The following GRAMD1C variants were observed in gnomAD, a reference collection of about 807,000 sequenced individuals.
GRAMD1C encodes the protein GRAM domain containing 1C.
Under a neutral mutation model 97.8 loss-of-function variants are expected in GRAMD1C, and 89 were observed. The observed-to-expected ratio is 0.91, with a 90% confidence interval of 0.77 to 1.09. GRAMD1C has a LOEUF of 1.09. Ranked by LOEUF, GRAMD1C falls within the 50% of genes least tolerant of loss-of-function variation. The pLI is 0.00. For missense variants in GRAMD1C, 740 were observed against 766.4 expected (o/e 0.97, Z 0.41); for synonymous variants, 256 against 267.0 (o/e 0.96, Z 0.40).
At chr3:113,895,609 A>G (rs1292835995) in intron 6 of GRAMD1C, among the ~76,000 whole-genome samples, 1 of 152,236 alleles carries the variant, frequency 6.6e-6, no homozygotes, top group African/African-American at 2.4e-5. Flanking sequence ...TACCTGGAAA[A>G]AAAATGAATA....
intron 2 of GRAMD1C, among the ~76,000 whole-genome samples, chr3:113,846,495 G>C (rs1933619382): frequency 6.6e-6 from 1 of 152,022 alleles, no homozygotes; most frequent in Non-Finnish European, 1.5e-5. Flanking sequence ...TAGTTACTGT[G>C]GTTACTATTG....
Position 113,911,627 on chromosome 3 carries a change from C to G in GRAMD1C, c.952+2507C>G, listed in dbSNP as rs144590513. Among the ~76,000 whole-genome samples, 660 of 143,946 alleles carry G rather than the reference C, an allele frequency of 4.6e-3. 7 individuals carry two copies. Among genetic ancestry groups the G allele is most frequent in the African/African-American group, 0.016 (625 of 39,254 alleles). 94.4% of individuals were successfully genotyped at this position (143,946 alleles called of 152,430 possible). Reference sequence around the variant, plus strand: ...TCTCCCTCCCTCCTTCCCTTCCCTTCTTCCTTTCTTTCCTTCTTTCTTTTT... The same window carrying G: ...TCTCCCTCCCTCCTTCCCTTCCCTTGTTCCTTTCTTTCCTTCTTTCTTTTT... On this transcript the variant is annotated intron_variant, in intron 9 of 17. Coordinates refer to ENST00000358160, the MANE Select transcript of GRAMD1C (RefSeq NM_017577.5).
chr3:113,884,571 AC>A (rs2107405156), intron 6 of GRAMD1C, among the ~76,000 whole-genome samples: 1 of 152,218 alleles, frequency 6.6e-6, no homozygotes, highest in Admixed American at 6.5e-5. Flanking sequence ...GGTGGCTCAC[AC>A]CTGTAATCCC....
Position 113,889,198 on chromosome 3 carries a change from C to CT in GRAMD1C, c.540+6367dup, listed in dbSNP as rs933419060. ...CTGGGCAGTAAGAGCAAAACTCCTTCTAAAAAAAAACGTATATCCACACAG... is the reference window on the plus strand; with the variant it reads ...CTGGGCAGTAAGAGCAAAACTCCTTCTTAAAAAAAAACGTATATCCACACAG... On this transcript the variant is annotated intron_variant, in intron 6 of 17. Transcript: ENST00000358160. Among the ~76,000 whole-genome samples the CT allele has an allele frequency of 2.3e-4, 13 of 57,234 alleles. No individual in the cohort carries two copies. The South Asian group carries it at 7.7e-3, about 34-fold the overall frequency. 37.5% of individuals were successfully genotyped at this position (57,234 alleles called of 152,430 possible). A position where few individuals can be genotyped will look rare whatever the true frequency, so the allele number is the denominator to read the frequency against.
At chr3:113,929,273 A>G (rs1195846035) in intron 10 of GRAMD1C, among the ~76,000 whole-genome samples, 2 of 152,168 alleles carry the variant, frequency 1.3e-5, no homozygotes, top group Non-Finnish European at 2.9e-5. Flanking sequence ...CGTACTAGCC[A>G]TTTTTCCTAC....
chr3:113,877,913 G>A (rs1293654220), intron 5 of GRAMD1C, among the ~76,000 whole-genome samples: 2 of 152,082 alleles, frequency 1.3e-5, no homozygotes, highest in Non-Finnish European at 2.9e-5. Flanking sequence ...AAGTAGCTGG[G>A]ATTACAGGCA....
At chr3:113,943,391 ACTAT>A (rs1236849159) in intron 17 of GRAMD1C, among the ~76,000 whole-genome samples, 2 of 152,172 alleles carry the variant, frequency 1.3e-5, no homozygotes, top group Admixed American at 6.5e-5. Context: ...AACCATCATC[ACTAT>A]CTAATTCCAG....
At chr3:113,873,296 CAAA>C (rs1419920610) in intron 3 of GRAMD1C, among the ~76,000 whole-genome samples, 1 of 151,870 alleles carries the variant, frequency 6.6e-6, no homozygotes, top group Non-Finnish European at 1.5e-5. Context: ...AAAAAACACT[CAAA>C]AAAGTCTGCT....
At position 113,944,295 on chromosome 3, in the gene GRAMD1C, G is replaced by A. The variant is rs187693303; in HGVS notation, c.1909-1103G>A. Among the ~76,000 whole-genome samples the A allele has an allele frequency of 7.1e-4, 108 of 152,288 alleles. 2 individuals are homozygous for A. In the South Asian group the frequency reaches 0.014, roughly 20 times the overall value. ...TTATAAGAGCACTAATCCATTCATAGGAGCCGTCATGACCTAATCACCTCC... is the reference window on the plus strand; with the variant it reads ...TTATAAGAGCACTAATCCATTCATAAGAGCCGTCATGACCTAATCACCTCC... On this transcript the variant is annotated intron_variant, in intron 17 of 17. Coordinates refer to ENST00000358160, the MANE Select transcript of GRAMD1C (RefSeq NM_017577.5).
intron 1 of GRAMD1C, 94 bp from the exon 2 acceptor site, chr3:113,844,409 A>T (rs990045004): frequency 3.2e-5 from 26 of 806,210 alleles, no homozygotes; most frequent in Non-Finnish European, 6.1e-6. Context: ...TTGCCCTTTT[A>T]AAATTAATGT....
intron 2 of GRAMD1C, among the ~76,000 whole-genome samples, chr3:113,846,533 T>A (rs753565150): frequency 6.6e-6 from 1 of 152,020 alleles, no homozygotes; most frequent in Non-Finnish European, 1.5e-5. Context: ...AAAATGGTAA[T>A]GCAAGAAAAG....
At chr3:113,919,338 C>A in intron 10 of GRAMD1C, 1 of 491,678 alleles carries the variant, frequency 2.0e-6, no homozygotes, top group South Asian at 1.5e-5. Context: ...AGAAAAACAC[C>A]ATCTCTTTAT....
chr3:113,929,080 T>G (rs1314071777), intron 10 of GRAMD1C, among the ~76,000 whole-genome samples: 3 of 152,204 alleles, frequency 2.0e-5, no homozygotes, highest in Non-Finnish European at 4.4e-5. Flanking sequence ...ATTTTACATT[T>G]CCACAAGCAA....
Position 113,850,352 on chromosome 3 carries a change from C to T in GRAMD1C, c.174+5703C>T, listed in dbSNP as rs1055504958. On this transcript the variant is annotated intron_variant, in intron 2 of 17. Transcript: ENST00000358160. ...GGCACCAGGGGGCACAAAACTCCGTCTGTAGGTATCTCTGTCGGCTTCCCC... is the reference window on the plus strand; with the variant it reads ...GGCACCAGGGGGCACAAAACTCCGTTTGTAGGTATCTCTGTCGGCTTCCCC... 40 of 763,358 alleles carry T rather than the reference C, an allele frequency of 5.2e-5. No homozygotes were observed. In the South Asian group the frequency reaches 5.4e-4, roughly 10 times the overall value. 47.3% of individuals were successfully genotyped at this position (763,358 alleles called of 1,614,324 possible).
chr3:113,905,698 C>CTT (rs569942384), intron 8 of GRAMD1C, among the ~76,000 whole-genome samples: 1 of 144,920 alleles, frequency 6.9e-6, no homozygotes, highest in Admixed American at 6.9e-5. Flanking sequence ...GGTCTCATAA[C>CTT]TTTTTTTTTT....
intron 2 of GRAMD1C, among the ~76,000 whole-genome samples, chr3:113,860,881 G>A (rs1166918613): frequency 2.6e-5 from 4 of 151,470 alleles, no homozygotes; most frequent in Admixed American, 6.6e-5. Flanking sequence ...CAGGAGAATC[G>A]CTTGAACCCG....
chr3:113,904,173 G>A lies in GRAMD1C; in HGVS notation c.690G>A (p.Gly230=), dbSNP rs57338076. Residue 230 remains glycine, a synonymous_variant, in exon 8 of 18, where the codon GGG becomes GGA. Transcript: ENST00000358160. ...GAAGAAGCAGCTTGGATGACTCTGG[G>A]GAGAGAGATGAAAAATTATCCAAGT... ...SPGRSSLDDS[G]ERDEKLSKSI... The A allele has an allele frequency of 4.5e-3, 7,214 of 1,608,572 alleles. 309 individuals are homozygous for A. The African/African-American group carries it at 0.085, about 19-fold the overall frequency.
Position 113,886,705 on chromosome 3 carries a change from AAATG to A in GRAMD1C, c.540+3880_540+3883del, listed in dbSNP as rs756965724. On this transcript the variant is annotated intron_variant, in intron 6 of 17. Transcript: ENST00000358160. Reference sequence around the variant, plus strand: ...AAGGAAATAATAAAGATTATAACAGAAATGAATGAAGTAAAGAATAGAAAAATAG... The same window carrying A: ...AAGGAAATAATAAAGATTATAACAGAAATGAAGTAAAGAATAGAAAAATAG... 4.6e-5 allele frequency among the ~76,000 whole-genome samples: 7 copies of A among 152,092 alleles called. No homozygotes were observed. The East Asian group carries it at 7.7e-4, about 17-fold the overall frequency.
At chr3:113,942,966 C>T (rs905412535) in intron 17 of GRAMD1C, among the ~76,000 whole-genome samples, 7 of 152,156 alleles carry the variant, frequency 4.6e-5, no homozygotes, top group African/African-American at 1.7e-4. Flanking sequence ...CTGAGTCATC[C>T]ATCTGCTTTC....
Sources: allele counts gnomAD v4.1 joint callset (sites outside exome capture counted in the v4.1 genomes callset), GRCh38; gene constraint gnomAD v4.1.1; transcripts MANE v1.5; gene names NCBI Gene and HGNC (gene_info 2026-07-23, HGNC 2026-07-21).